Variants in TGIF1 observed in about 807,000 individuals in gnomAD.
TGIF1 encodes the protein homeobox protein TGIF1.
TGIF1 carries 4 observed loss-of-function variants against 19.3 expected under a neutral mutation model. The ratio of observed to expected loss-of-function variants is 0.21; its 90% CI spans 0.10 to 0.47. The LOEUF (loss-of-function observed/expected upper bound fraction) is 0.47. Ranked by LOEUF, TGIF1 falls within the 20% of genes least tolerant of loss-of-function variation. The probability of loss-of-function intolerance (pLI) is 0.98; values close to 1 mark genes in which losing one functional copy is unlikely to be tolerated. For missense variants in TGIF1, 275 were observed against 341.4 expected, an observed-to-expected ratio of 0.81 and a Z score of 1.53; for synonymous variants, 122 against 129.3, an observed-to-expected ratio of 0.94 and a Z score of 0.38.
At chr18:3,439,020 T>C (rs1222859941) in intron 2 of TGIF1, among the ~76,000 whole-genome samples, 1 of 152,060 alleles carries the variant, frequency 6.6e-6, no homozygotes, top group Non-Finnish European at 1.5e-5. Flanking sequence ...AGTAAACAAA[T>C]CATTTAGACC....
chr18:3,450,342 A>G lies in TGIF1; in HGVS notation c.-148A>G. 3 of 1,483,292 alleles carry G rather than the reference A, an allele frequency of 2.0e-6. No homozygotes were observed. Among genetic ancestry groups the G allele is most frequent in the Non-Finnish European group, 2.7e-6 (3 of 1,112,328 alleles). The allele number at this position is 1,483,292 out of a possible 1,614,324, so 91.9% of individuals were successfully genotyped here. On this transcript the variant is annotated 5_prime_UTR_variant, in exon 1 of 3. Transcript: ENST00000343820. Reference sequence around the variant, plus strand: ...CCAAGGAGCGGGCGCCTGGGATCAGAGCGTCCTGTTTAGCAATAACGGCTG... The same window carrying G: ...CCAAGGAGCGGGCGCCTGGGATCAGGGCGTCCTGTTTAGCAATAACGGCTG...
intron 2 of TGIF1, among the ~76,000 whole-genome samples, chr18:3,424,604 T>C (rs2143156049): frequency 6.6e-6 from 1 of 152,260 alleles, no homozygotes; most frequent in Non-Finnish European, 1.5e-5. Context: ...GGGTAGGGGC[T>C]ACTGGATAGC....
At chr18:3,450,676 T>C (rs2082882885) in intron 1 of TGIF1, among the ~76,000 whole-genome samples, 171 bp downstream of exon 1, 1 of 152,180 alleles carries the variant, frequency 6.6e-6, no homozygotes, top group South Asian at 2.1e-4. Flanking sequence ...GCGGCTGTTT[T>C]CCTGCTAGAC....
chr18:3,435,197 A>ATTT (rs756523002), intron 2 of TGIF1, among the ~76,000 whole-genome samples: 1 of 150,112 alleles, frequency 6.7e-6, no homozygotes. Flanking sequence ...AACCCTATAT[A>ATTT]TATTTTTTTT....
At chr18:3,444,192 C>T (rs182527814) in intron 2 of TGIF1, among the ~76,000 whole-genome samples, 1 of 152,136 alleles carries the variant, frequency 6.6e-6, no homozygotes, top group Admixed American at 6.5e-5. Context: ...ATCCACCTGC[C>T]TCAGCCTCCC....
At chr18:3,427,756 C>T (rs1249721649) in intron 2 of TGIF1, among the ~76,000 whole-genome samples, 1 of 152,056 alleles carries the variant, frequency 6.6e-6, no homozygotes, top group Non-Finnish European at 1.5e-5. Flanking sequence ...ACTGCCACCA[C>T]ACCTGGCTAA....
At chr18:3,426,221 T>C (rs1598862040) in intron 2 of TGIF1, among the ~76,000 whole-genome samples, 1 of 140,880 alleles carries the variant, frequency 7.1e-6, no homozygotes, top group African/African-American at 2.8e-5. Flanking sequence ...CAGGCTGGAG[T>C]GCAGTGACAC....
rs774653444 is a variant in TGIF1 at position 3,457,319 on chromosome 18, G to C, written c.244-46G>C. On this transcript the variant is annotated intron_variant, in intron 2 of 2. Coordinates refer to ENST00000343820, the MANE Select transcript of TGIF1 (RefSeq NM_003244.4). The surrounding 1 kb of genome is among the most constrained non-coding windows in gnomAD (Gnocchi z 4.9). ...CATAGAACATTCTCAGAACCCGTTG[G>C]CTGAGTGAATGAGGAAAATGTTAAA... 3 of 1,599,532 alleles carry C rather than the reference G, an allele frequency of 1.9e-6. No individual in the cohort carries two copies. The South Asian group carries it at 3.3e-5, about 18-fold the overall frequency.
chr18:3,452,260 T>A, intron 1 of TGIF1: 1 of 1,609,166 alleles, frequency 6.2e-7, no homozygotes, highest in Non-Finnish European at 8.5e-7. Context: ...CCGCGTGCCC[T>A]CTCCCCGGAG....
upstream of TGIF1, among the ~76,000 whole-genome samples, chr18:3,445,723 CAAAAAAAAAA>C (rs141550400): frequency 8.9e-3 from 157 of 17,698 alleles, no homozygotes; most frequent in East Asian, 0.028. Flanking sequence ...GACTCTGTCT[CAAAAAAAAAA>C]AAAAAAAAAA....
chr18:3,430,830 A>G (rs2082537769), intron 2 of TGIF1, among the ~76,000 whole-genome samples: 2 of 152,144 alleles, frequency 1.3e-5, no homozygotes, highest in Non-Finnish European at 2.9e-5. Flanking sequence ...TGTCTAATGC[A>G]GTAAATATAA....
intron 1 of TGIF1, chr18:3,452,238 C>G (rs1035910449): frequency 1.2e-6 from 2 of 1,609,206 alleles, no homozygotes; most frequent in Admixed American, 1.7e-5. Context: ...TCCACCGGCG[C>G]GCTGCCCACA....
At chr18:3,454,538 G>A (rs1427152350) in intron 1 of TGIF1, among the ~76,000 whole-genome samples, 1 of 152,106 alleles carries the variant, frequency 6.6e-6, no homozygotes, top group African/African-American at 2.4e-5. Flanking sequence ...AAGCCAATGT[G>A]AGACAGGAAC....
At chr18:3,442,847 A>C (rs1399130113) in intron 2 of TGIF1, among the ~76,000 whole-genome samples, 2 of 152,222 alleles carry the variant, frequency 1.3e-5, no homozygotes, top group Non-Finnish European at 2.9e-5. Context: ...AACAATAAAA[A>C]CATTTGGTTC....
intron 2 of TGIF1, among the ~76,000 whole-genome samples, chr18:3,423,794 G>A (rs929370006): frequency 1.3e-5 from 2 of 152,156 alleles, no homozygotes; most frequent in African/African-American, 2.4e-5. Flanking sequence ...GGTCAAGGCT[G>A]CAGTGAGCTA....
intron 2 of TGIF1, among the ~76,000 whole-genome samples, chr18:3,432,578 G>A (rs1255716356): frequency 6.6e-6 from 1 of 152,130 alleles, no homozygotes; most frequent in East Asian, 1.9e-4. Flanking sequence ...GGCACAAAGG[G>A]CAACATATCT....
At chr18:3,440,024 G>GAA (rs535096578) in intron 2 of TGIF1, among the ~76,000 whole-genome samples, 1 of 121,874 alleles carries the variant, frequency 8.2e-6, no homozygotes. Context: ...CTGTCTCAAA[G>GAA]AAAAAAAAAA....
In TGIF1 at chr18:3,451,603, A is replaced by C. The variant is rs149690147; in HGVS notation, c.16+1098A>C. 1,693 of 1,055,710 alleles carry C rather than the reference A, an allele frequency of 1.6e-3. 3 individuals carry two copies. The highest frequency in any genetic ancestry group is 4.3e-3 in the Middle Eastern group (10 of 2,314). The allele number at this position is 1,055,710 out of a possible 1,614,324, so 65.4% of individuals were successfully genotyped here. Reference sequence around the variant, plus strand: ...GGAGTTTGGAACTCCACATTCTTTCAGACCCGGCCCGCTGCGGGGCGTTCC... The same window carrying C: ...GGAGTTTGGAACTCCACATTCTTTCCGACCCGGCCCGCTGCGGGGCGTTCC... On this transcript the variant is annotated intron_variant, in intron 1 of 2. Transcript: ENST00000343820. The surrounding 1 kb of genome is among the most constrained non-coding windows in gnomAD (Gnocchi z 5.4).
chr18:3,445,973 A>G (rs1482906296), upstream of TGIF1, among the ~76,000 whole-genome samples: 1 of 151,960 alleles, frequency 6.6e-6, no homozygotes, highest in Non-Finnish European at 1.5e-5. Flanking sequence ...TAATCAGATA[A>G]TTTATGTTGG....
Sources: allele counts gnomAD v4.1 joint callset (sites outside exome capture counted in the v4.1 genomes callset), GRCh38; gene constraint gnomAD v4.1.1; non-coding constraint Gnocchi (gnomAD v3.1); transcripts MANE v1.5; gene names NCBI Gene and HGNC (gene_info 2026-07-23, HGNC 2026-07-21).